The following ECT2L variants were observed in gnomAD, a reference collection of about 807,000 sequenced individuals.
ECT2L encodes the protein epithelial cell transforming 2 like, also known as epithelial cell-transforming sequence 2 oncogene-like.
A neutral mutation model predicts 122.8 loss-of-function variants in ECT2L; 126 were observed. The observed-to-expected ratio is 1.03, with a 90% CI of 0.89 to 1.19. The LOEUF is 1.19. Ranked by LOEUF, ECT2L falls within the 50% of genes most tolerant of loss-of-function variation. The pLI is 0.00. For synonymous variants in ECT2L, 385 were observed against 381.8 expected (o/e 1.01, Z -0.10); for missense variants, 1,012 against 1,064.1 (o/e 0.95, Z 0.68).
chr6:138,808,150 C>T (rs1040714386), intron 1 of ECT2L, among the ~76,000 whole-genome samples: 1 of 152,132 alleles, frequency 6.6e-6, no homozygotes, highest in African/African-American at 2.4e-5. Context: ...GATGTATACT[C>T]TTCTTTAGGT....
chr6:138,887,171 T>C (rs184404027), intron 19 of ECT2L, among the ~76,000 whole-genome samples: 128 of 152,272 alleles, frequency 8.4e-4, no homozygotes, highest in Non-Finnish European at 1.6e-3. Flanking sequence ...GGTATTACTG[T>C]GATCACAATG....
chr6:138,844,433 C>T lies in ECT2L; in HGVS notation c.617C>T (p.Pro206Leu), dbSNP rs527524515. The T allele has an allele frequency of 6.2e-7, 1 of 1,613,884 alleles. No individual in the cohort carries two copies. The highest frequency in any genetic ancestry group is 2.2e-5 in the East Asian group (1 of 44,870). Residue 206 changes from proline (P) to leucine (L), a missense_variant, in exon 7 of 22, where the codon CCC becomes CTC. Coordinates refer to ENST00000541398, the MANE Select transcript of ECT2L (RefSeq NM_001077706.3). ...TCAGAGGAGTTATTCAAAGTTCGACCCCCTTGGGTGAGTGGAACTTGCTGC... is the reference window on the plus strand; with the variant it reads ...TCAGAGGAGTTATTCAAAGTTCGACTCCCTTGGGTGAGTGGAACTTGCTGC... ...LRKKELFKVR[P>L]PWVSGTCCSS...
intron 20 of ECT2L, among the ~76,000 whole-genome samples, chr6:138,900,582 T>C (rs1562500370): frequency 6.6e-6 from 1 of 152,190 alleles, no homozygotes; most frequent in Non-Finnish European, 1.5e-5. Flanking sequence ...AAAGACTTAT[T>C]TTCTTCAGAT....
At position 138,798,847 on chromosome 6, in the gene ECT2L, G is replaced by GTAA. The variant is rs1004488013; in HGVS notation, c.-244+2660_-244+2662dup. The stretch of plus-strand genomic sequence containing the variant: ...AAACCTAACTTAGGAGTATGTGCCT[G>GTAA]TAATAATCGCTGAGTCTTGGCCAAT... On this transcript the variant is annotated intron_variant, in intron 1 of 21. Transcript: ENST00000541398. Among the ~76,000 whole-genome samples, 12 of 152,328 alleles carry GTAA rather than the reference G, an allele frequency of 7.9e-5. 1 individual carries two copies. The South Asian group carries it at 2.3e-3, about 29-fold the overall frequency.
intron 14 of ECT2L, among the ~76,000 whole-genome samples, chr6:138,879,576 C>A (rs957420731): frequency 1.3e-5 from 2 of 152,060 alleles, no homozygotes; most frequent in Non-Finnish European, 2.9e-5. Flanking sequence ...AAATTAATTT[C>A]TCTCTCCATA....
At chr6:138,898,341 A>G (rs1318797991) in intron 20 of ECT2L, among the ~76,000 whole-genome samples, 1 of 152,192 alleles carries the variant, frequency 6.6e-6, no homozygotes, top group Non-Finnish European at 1.5e-5. Flanking sequence ...CAAGAAGAAA[A>G]TGTTTGAAAG....
At chr6:138,841,280 T>C (rs1295051232) in intron 5 of ECT2L, among the ~76,000 whole-genome samples, 2 of 152,240 alleles carry the variant, frequency 1.3e-5, no homozygotes, top group Admixed American at 1.3e-4. Context: ...TTGTGTGTTC[T>C]AGTTAATTTT....
intron 1 of ECT2L, among the ~76,000 whole-genome samples, chr6:138,799,466 A>G (rs183607696): frequency 4.3e-4 from 65 of 152,228 alleles, no homozygotes; most frequent in African/African-American, 1.4e-3. Context: ...TGTGTTAGCC[A>G]GGATGGTCTC....
chr6:138,801,614 G>A (rs1036651060), intron 1 of ECT2L, among the ~76,000 whole-genome samples: 1 of 152,104 alleles, frequency 6.6e-6, no homozygotes, highest in Non-Finnish European at 1.5e-5. Context: ...CATTAGCCAG[G>A]CATGGTGGCA....
At position 138,902,805 on chromosome 6, in the gene ECT2L, T is replaced by C; in HGVS notation, c.*178T>C. On this transcript the variant is annotated 3_prime_UTR_variant, in exon 22 of 22. Transcript: ENST00000541398. ...ACTTTATCACTTGTGCTCACTTATG[T>C]AGAATGTATAAGTACATTTTGAGTC... 1 of 689,854 alleles carries C rather than the reference T, an allele frequency of 1.4e-6. No individual in the cohort carries two copies. The highest frequency in any genetic ancestry group is 2.3e-6 in the Non-Finnish European group (1 of 431,248). The allele number at this position is 689,854 out of a possible 1,614,324, so 42.7% of individuals were successfully genotyped here.
chr6:138,851,529 G>A (rs199506631), intron 9 of ECT2L, among the ~76,000 whole-genome samples: 2 of 131,108 alleles, frequency 1.5e-5, no homozygotes, highest in East Asian at 2.4e-4. Flanking sequence ...CCTAATGGAT[G>A]TAATATCTCA....
Position 138,901,137 on chromosome 6 carries a change from T to C in ECT2L, c.2587+17T>C. 6.2e-7 allele frequency: 1 copy of C among 1,611,724 alleles called. No individual in the cohort carries two copies. Among genetic ancestry groups the C allele is most frequent in the Non-Finnish European group, 8.5e-7 (1 of 1,178,476 alleles). ...ATTCCAAGTGTATGTATTCTTTTCC[T>C]TCCAAGAGACAGATACCTTCAAAAA... On this transcript the variant is annotated intron_variant, in intron 21 of 21. Coordinates refer to ENST00000541398, the MANE Select transcript of ECT2L (RefSeq NM_001077706.3).
chr6:138,824,891 A>T (rs915369320), intron 4 of ECT2L, among the ~76,000 whole-genome samples: 2 of 152,000 alleles, frequency 1.3e-5, no homozygotes, highest in African/African-American at 2.4e-5. Context: ...TTCTGGCTCC[A>T]CCCCCCGGAA....
chr6:138,896,142 G>A (rs1469931548), intron 20 of ECT2L, among the ~76,000 whole-genome samples: 1 of 147,066 alleles, frequency 6.8e-6, no homozygotes, highest in Non-Finnish European at 1.5e-5. Context: ...TGCTGGCCAG[G>A]CTGGTCTTGA....
chr6:138,815,533 C>T (rs1420145555), intron 4 of ECT2L, among the ~76,000 whole-genome samples: 2 of 152,096 alleles, frequency 1.3e-5, no homozygotes, highest in African/African-American at 4.8e-5. Context: ...TAGCCCGAGG[C>T]CAACAATGAG....
rs538068239 is a variant in ECT2L at position 138,813,446 on chromosome 6, G to T, written c.66+106G>T. 508 of 836,890 alleles carry T rather than the reference G, an allele frequency of 6.1e-4. 5 individuals carry two copies. The South Asian group carries it at 9.7e-3, about 16-fold the overall frequency. 51.8% of individuals were successfully genotyped at this position (836,890 alleles called of 1,614,324 possible). A position where few individuals can be genotyped will look rare whatever the true frequency, so the allele number is the denominator to read the frequency against. On this transcript the variant is annotated intron_variant, in intron 3 of 21. Coordinates refer to ENST00000541398, the MANE Select transcript of ECT2L (RefSeq NM_001077706.3). ...CATTTTTAAAGAAAAACTCTCTAAA[G>T]AATTTAGCTTTTCAGTTTAAACAAA...
intron 12 of ECT2L, 49 bp downstream of exon 12, chr6:138,865,227 C>G: frequency 6.6e-7 from 1 of 1,523,230 alleles, no homozygotes. Flanking sequence ...AAGTTGCTTT[C>G]ATATCCCGAG....
At chr6:138,843,359 C>T in intron 6 of ECT2L, 128 bp downstream of exon 6, 1 of 949,086 alleles carries the variant, frequency 1.1e-6, no homozygotes, top group Non-Finnish European at 1.5e-6. Context: ...AAGTATTTTC[C>T]AGATGAGCTT....
In ECT2L at chr6:138,901,021, T is replaced by A. The variant is rs781250433; in HGVS notation, c.2488T>A (p.Ser830Thr). 1.9e-6 allele frequency: 3 copies of A among 1,614,210 alleles called. No homozygotes were observed. Among genetic ancestry groups the A allele is most frequent in the East Asian group, 2.2e-5 (1 of 44,886 alleles). ...CCTGCTCGTTTCTAGTCGGGGCACA[T>A]CTCACACTCCATTTGAGAGGACTTC... Reference protein sequence around the residue: ...DALLVSSRGTSHTPFERTSKT... With the variant: ...DALLVSSRGTTHTPFERTSKT... The change falls in exon 21 of 22, where the codon TCT (serine) becomes ACT (threonine). Residue 830 changes from serine to threonine, a missense_variant. By Grantham distance (58) the Ser-to-Thr change is moderately conservative. Coordinates refer to ENST00000541398, the MANE Select transcript of ECT2L (RefSeq NM_001077706.3).
Sources: gnomAD v4.1 joint callset for allele counts (sites outside exome capture counted in the v4.1 genomes callset) on GRCh38, gnomAD v4.1.1 for gene constraint, MANE v1.5 for transcripts, NCBI Gene and HGNC (gene_info 2026-07-23, HGNC 2026-07-21) for gene names.